GNG2: variants seen among roughly 807,000 people sequenced by gnomAD.
GNG2 encodes the protein guanine nucleotide-binding protein G(I)/G(S)/G(O) subunit gamma-2.
A neutral mutation model predicts 5.5 loss-of-function variants in GNG2; 5 were observed. That is an observed-to-expected ratio of 0.91 (90% CI 0.48 to 1.92). The LOEUF (loss-of-function observed/expected upper bound fraction) is 1.92. Among genes scored for constraint, GNG2 ranks in the 30% most tolerant of loss-of-function variants. GNG2 has a pLI of 0.01. For synonymous variants in GNG2, 28 were observed against 32.0 expected, an observed-to-expected ratio of 0.88 and a Z score of 0.42; for missense variants, 55 against 88.4, an observed-to-expected ratio of 0.62 and a Z score of 1.52.
At chr14:51,892,594 G>A (rs1307060459) in intron 2 of GNG2, among the ~76,000 whole-genome samples, 1 of 152,106 alleles carries the variant, frequency 6.6e-6, no homozygotes, top group African/African-American at 2.4e-5. Context: ...GAGCCACCAG[G>A]CCTGGGCTTC....
rs1889265551 is a variant in GNG2 at position 51,956,188 on chromosome 14, T to C, written c.87+5423T>C. ...TCATTTATATCCTTTAAAATATCCT[T>C]TGCAATAAGTTGGAAATAGCAAGTA... On this transcript the variant is annotated intron_variant, in intron 3 of 3. Coordinates refer to ENST00000556766, the MANE Select transcript of GNG2 (RefSeq NM_053064.5). 2.0e-5 allele frequency among the ~76,000 whole-genome samples: 3 copies of C among 152,308 alleles called. No individual in the cohort carries two copies. The South Asian group carries it at 6.2e-4, about 32-fold the overall frequency.
intron 2 of GNG2, among the ~76,000 whole-genome samples, chr14:51,833,950 C>T (rs887112863): frequency 6.8e-6 from 1 of 147,770 alleles, no homozygotes; most frequent in Non-Finnish European, 1.5e-5. Flanking sequence ...CAGTAGGTGT[C>T]TTGAGATCCA....
chr14:51,944,506 A>G (rs1010277141), intron 2 of GNG2, among the ~76,000 whole-genome samples: 1 of 152,218 alleles, frequency 6.6e-6, no homozygotes, highest in Admixed American at 6.5e-5. Flanking sequence ...AAGCTTTCAC[A>G]TGTGAATGTG....
chr14:51,943,726 AGT>A (rs905880044), intron 2 of GNG2, among the ~76,000 whole-genome samples: 3 of 152,250 alleles, frequency 2.0e-5, no homozygotes, highest in African/African-American at 7.2e-5. Flanking sequence ...AGAATAAAAT[AGT>A]TAAGAACTAA....
intron 2 of GNG2, among the ~76,000 whole-genome samples, chr14:51,853,966 C>T (rs535890984): frequency 1.3e-5 from 2 of 151,872 alleles, no homozygotes; most frequent in East Asian, 3.9e-4. Flanking sequence ...TCTTGGCTTA[C>T]TGCATCCTCT....
chr14:51,859,448 T>C (rs576482508), upstream of GNG2, among the ~76,000 whole-genome samples: 1 of 152,376 alleles, frequency 6.6e-6, no homozygotes, highest in South Asian at 2.1e-4. Context: ...GGCTGCTGAC[T>C]GGCGAAATCA....
rs890102719 is a variant in GNG2, at chr14:51,947,861, T to G, written c.-29-2789T>G. 2.0e-5 allele frequency among the ~76,000 whole-genome samples: 3 copies of G among 152,206 alleles called. 1 individual carries two copies. The highest frequency in any genetic ancestry group is 7.2e-5 in the African/African-American group (3 of 41,454). The stretch of plus-strand genomic sequence containing the variant: ...TCATTTACTCAGTTAATAGCAGGTC[T>G]GTTGGCTAATGACAGAGAACCCCTC... On this transcript the variant is annotated intron_variant, in intron 2 of 3. Transcript: ENST00000556766.
At chr14:51,868,240 A>G (rs1883053287) in intron 1 of GNG2, among the ~76,000 whole-genome samples, 2 of 152,298 alleles carry the variant, frequency 1.3e-5, no homozygotes, top group South Asian at 2.1e-4. Flanking sequence ...TGAAACTTAC[A>G]TTCGAGTATT....
At chr14:51,858,672 A>G (rs1007285935), upstream of GNG2, among the ~76,000 whole-genome samples, 12 of 152,176 alleles carry the variant, frequency 7.9e-5, no homozygotes, top group Admixed American at 3.9e-4. Context: ...CATTTTTCTT[A>G]GACTTGGCAT....
chr14:51,835,925 ATATAT>A (rs945913871), intron 2 of GNG2, among the ~76,000 whole-genome samples: 5 of 152,040 alleles, frequency 3.3e-5, no homozygotes, highest in African/African-American at 1.2e-4. Context: ...ACAGGGAAAC[ATATAT>A]TATAAATAGA....
At chr14:51,894,085 T>C (rs901983724) in intron 2 of GNG2, among the ~76,000 whole-genome samples, 3 of 152,114 alleles carry the variant, frequency 2.0e-5, no homozygotes, top group Non-Finnish European at 4.4e-5. Flanking sequence ...TTTTTCCATA[T>C]AAAATTTAAA....
chr14:51,963,472 T>C (rs998469945), intron 3 of GNG2, among the ~76,000 whole-genome samples: 2 of 152,212 alleles, frequency 1.3e-5, no homozygotes, highest in African/African-American at 4.8e-5. Context: ...ACAATGACTA[T>C]CGCTCAAACA....
intron 2 of GNG2, chr14:51,913,281 G>C (rs1886399519): frequency 1.3e-5 from 2 of 152,226 alleles, no homozygotes; most frequent in Non-Finnish European, 2.9e-5. Flanking sequence ...AACTGAGGCA[G>C]TAAGCTCCCT....
chr14:51,861,965 T>TA (rs1243054151), intron 1 of GNG2, among the ~76,000 whole-genome samples: 3 of 152,162 alleles, frequency 2.0e-5, no homozygotes, highest in Non-Finnish European at 2.9e-5. Flanking sequence ...AGTAAAAATT[T>TA]AAAAAAAGTC....
At chr14:51,962,855 C>G (rs1253657) in intron 3 of GNG2, among the ~76,000 whole-genome samples, 2 of 152,184 alleles carry the variant, frequency 1.3e-5, no homozygotes, top group Admixed American at 1.3e-4. Context: ...TTATAAGGCA[C>G]AGGACAAGGA....
At chr14:51,944,984 A>G (rs1888556481) in intron 2 of GNG2, among the ~76,000 whole-genome samples, 1 of 152,202 alleles carries the variant, frequency 6.6e-6, no homozygotes, top group South Asian at 2.1e-4. Context: ...TTGAATAGGT[A>G]TCTCCGCAAA....
chr14:51,917,282 G>T, intron 2 of GNG2: 24 of 449,446 alleles, frequency 5.3e-5, no homozygotes, highest in South Asian at 3.6e-4. Flanking sequence ...AATCCCAGCC[G>T]CTGCCACGAA....
chr14:51,899,061 C>T (rs1278320471), intron 2 of GNG2, among the ~76,000 whole-genome samples: 1 of 152,158 alleles, frequency 6.6e-6, no homozygotes, highest in Non-Finnish European at 1.5e-5. Context: ...CTGGAATTGA[C>T]CTGATCTTCA....
intron 3 of GNG2, among the ~76,000 whole-genome samples, chr14:51,962,207 A>ATTCT (rs1245704477): frequency 1.7e-5 from 1 of 59,316 alleles, no homozygotes; most frequent in Non-Finnish European, 4.0e-5. Flanking sequence ...TTTAAATAAT[A>ATTCT]TTATTTAAAA....
Sources: gnomAD v4.1 joint callset for allele counts (sites outside exome capture counted in the v4.1 genomes callset) on GRCh38, gnomAD v4.1.1 for gene constraint, MANE v1.5 for transcripts, NCBI Gene and HGNC (gene_info 2026-07-23, HGNC 2026-07-21) for gene names.